USP4: variants seen among roughly 807,000 people sequenced by gnomAD.
The protein encoded by USP4 is ubiquitin specific peptidase 4, also known as ubiquitin carboxyl-terminal hydrolase 4.
Under a neutral mutation model 118.2 loss-of-function variants are expected in USP4, and 72 were observed. The ratio of observed to expected loss-of-function variants is 0.61; its 90% confidence interval spans 0.50 to 0.74. The LOEUF (loss-of-function observed/expected upper bound fraction) is 0.74. USP4 is among the 30% of genes least tolerant of loss of function. The pLI is 0.00. For synonymous variants in USP4, 415 were observed against 440.4 expected (o/e 0.94, Z 0.72); for missense variants, 1,037 against 1,185.7 (o/e 0.87, Z 1.84).
rs1212688022 is a variant in USP4 at position 49,277,163 on chromosome 3, G to A, written c.*1130C>T. 2.8e-6 allele frequency: 4 copies of A among 1,409,646 alleles called. No individual in the cohort carries two copies. Among genetic ancestry groups the A allele is most frequent in the Non-Finnish European group, 2.8e-6 (3 of 1,066,286 alleles). The allele number at this position is 1,409,646 out of a possible 1,614,324, so 87.3% of individuals were successfully genotyped here. On this transcript the variant is annotated 3_prime_UTR_variant, in exon 22 of 22. Coordinates refer to ENST00000265560, the MANE Select transcript of USP4 (RefSeq NM_003363.4). ...ACCGGCACCCCCCCTTTGGCGAGTC[G>A]GCAGCCACGTCCTTGTCCTCACCCG...
At chr3:49,315,080 T>C (rs952213923) in intron 6 of USP4, among the ~76,000 whole-genome samples, 1 of 151,886 alleles carries the variant, frequency 6.6e-6, no homozygotes. Context: ...TTTTATATGC[T>C]TGAAAATTAA....
intron 2 of USP4, 102 bp from the exon 3 acceptor site, chr3:49,327,918 G>T: frequency 8.3e-7 from 1 of 1,207,386 alleles, no homozygotes; most frequent in Non-Finnish European, 1.2e-6. Flanking sequence ...ATTATTTACA[G>T]AAAGAAACAG....
chr3:49,300,405 T>A (rs1306909321), intron 11 of USP4, 62 bp downstream of exon 11: 1 of 1,488,300 alleles, frequency 6.7e-7, no homozygotes, highest in Admixed American at 1.7e-5. Flanking sequence ...ATAGGAGCAG[T>A]CCCACTGGGA....
chr3:49,311,118 T>A (rs2107787949), intron 7 of USP4, among the ~76,000 whole-genome samples: 2 of 152,274 alleles, frequency 1.3e-5, no homozygotes, highest in East Asian at 3.9e-4. Context: ...CCATTCACCC[T>A]CTTCCCCACA....
intron 6 of USP4, among the ~76,000 whole-genome samples, chr3:49,317,835 A>G (rs1304760156): frequency 6.6e-6 from 1 of 150,394 alleles, no homozygotes; most frequent in African/African-American, 2.5e-5. Flanking sequence ...TACAGGCATG[A>G]GCCACTGCGC....
At position 49,301,463 on chromosome 3, in the gene USP4, G is replaced by A. The variant is rs181402633; in HGVS notation, c.1288-772C>T. On this transcript the variant is annotated intron_variant, in intron 10 of 21. Coordinates refer to ENST00000265560, the MANE Select transcript of USP4 (RefSeq NM_003363.4). ...AGCACTTTGGGAGGCCGAAGCAGGC[G>A]GATCACCAGAGGTCAGGAGTTCAAT... Among the ~76,000 whole-genome samples the A allele has an allele frequency of 2.0e-3, 305 of 152,018 alleles. 5 individuals are homozygous for A. The highest frequency in any genetic ancestry group is 0.014 in the South Asian group (65 of 4,810).
chr3:49,325,156 A>T, intron 4 of USP4, 117 bp from the exon 5 acceptor site: 4 of 1,244,230 alleles, frequency 3.2e-6, no homozygotes, highest in Non-Finnish European at 4.5e-6. Flanking sequence ...CTCTGGATCA[A>T]CCCCCTGATA....
At chr3:49,309,785 C>T (rs1575611299) in intron 8 of USP4, among the ~76,000 whole-genome samples, 3 of 151,086 alleles carry the variant, frequency 2.0e-5, no homozygotes, top group East Asian at 1.9e-4. Flanking sequence ...TGCCACCACA[C>T]CCGGCTAATT....
At chr3:49,318,216 A>G in intron 6 of USP4, 1 of 575,068 alleles carries the variant, frequency 1.7e-6, no homozygotes, top group Non-Finnish European at 2.2e-6. Context: ...CAATCTTCCC[A>G]CATCAGCCTC....
At chr3:49,301,192 C>T (rs2047259561) in intron 10 of USP4, among the ~76,000 whole-genome samples, 2 of 152,092 alleles carry the variant, frequency 1.3e-5, no homozygotes, top group Non-Finnish European at 1.5e-5. Flanking sequence ...GCTCCCACCT[C>T]AGCCTCCAAA....
intron 13 of USP4, among the ~76,000 whole-genome samples, chr3:49,296,801 T>C (rs2107776553): frequency 6.6e-6 from 1 of 152,342 alleles, no homozygotes; most frequent in East Asian, 1.9e-4. Context: ...TCTGCTAAGC[T>C]CCCCACAGGG....
intron 15 of USP4, among the ~76,000 whole-genome samples, chr3:49,291,892 C>G (rs2047155650): frequency 6.6e-6 from 1 of 151,750 alleles, no homozygotes; most frequent in Non-Finnish European, 1.5e-5. Context: ...TGGCTCACTG[C>G]AAGCTCTACC....
At chr3:49,317,518 T>G (rs966438305) in intron 6 of USP4, 3 of 627,202 alleles carry the variant, frequency 4.8e-6, no homozygotes, top group Non-Finnish European at 8.4e-6. Context: ...TCTTTTTTTG[T>G]TTTGTTTTGT....
chr3:49,320,163 C>T (rs985779481), intron 6 of USP4, among the ~76,000 whole-genome samples: 1 of 152,190 alleles, frequency 6.6e-6, no homozygotes, highest in African/African-American at 2.4e-5. Flanking sequence ...TCAAGCAATC[C>T]TCCCACCTCA....
chr3:49,309,203 C>CT (rs955661615), intron 8 of USP4, among the ~76,000 whole-genome samples: 1 of 151,980 alleles, frequency 6.6e-6, no homozygotes, highest in African/African-American at 2.4e-5. Flanking sequence ...AGTATAATAA[C>CT]TTTAAGTAAA....
intron 13 of USP4, among the ~76,000 whole-genome samples, chr3:49,295,714 G>GCGCGCGCGCGCGCGCGCA (rs149459963): frequency 3.4e-5 from 5 of 148,320 alleles, no homozygotes; most frequent in African/African-American, 1.0e-4. Flanking sequence ...GCGCGCGCGC[G>GCGCGCGCGCGCGCGCGCA]CACACACACA....
Position 49,339,917 on chromosome 3 carries a change from A to T in USP4, c.101+7T>A. ...CTGCATAGAGGAAGAGCGAGCCGGGAGCTCACCACTGCGCCCCGCGTTGGA... is the reference window on the plus strand; with the variant it reads ...CTGCATAGAGGAAGAGCGAGCCGGGTGCTCACCACTGCGCCCCGCGTTGGA... On this transcript the variant is annotated splice_region_variant and intron_variant, in intron 1 of 21. Transcript: ENST00000265560. The T allele has an allele frequency of 6.2e-7, 1 of 1,610,528 alleles. No homozygotes were observed. Among genetic ancestry groups the T allele is most frequent in the South Asian group, 1.1e-5 (1 of 90,896 alleles).
At chr3:49,284,378 C>G in intron 18 of USP4, 88 bp downstream of exon 18, 1 of 1,143,532 alleles carries the variant, frequency 8.7e-7, no homozygotes, top group Non-Finnish European at 1.3e-6. Flanking sequence ...CATCCAAATA[C>G]AAAGGGGTTT....
intron 2 of USP4, among the ~76,000 whole-genome samples, chr3:49,332,910 T>C (rs890079707): frequency 1.3e-5 from 2 of 151,516 alleles, no homozygotes; most frequent in Admixed American, 6.6e-5. Flanking sequence ...GTGGGGCCTG[T>C]AGTTCCAGTT....
Sources: allele counts gnomAD v4.1 joint callset (sites outside exome capture counted in the v4.1 genomes callset), GRCh38; gene constraint gnomAD v4.1.1; transcripts MANE v1.5; gene names NCBI Gene and HGNC (gene_info 2026-07-23, HGNC 2026-07-21).